KCNAB2: variants seen among roughly 807,000 people sequenced by gnomAD.
The protein encoded by KCNAB2 is potassium voltage-gated channel subfamily A regulatory beta subunit 2.
Under a neutral mutation model 63.6 loss-of-function variants are expected in KCNAB2, and 29 were observed. That is an observed-to-expected ratio of 0.46 (90% CI 0.34 to 0.62). The LOEUF (loss-of-function observed/expected upper bound fraction) is 0.62, where lower values mean the gene tolerates loss of function less well. Among genes scored for constraint, KCNAB2 ranks in the 20% least tolerant of loss-of-function variants. The probability of loss-of-function intolerance (pLI) is 0.01; values close to 1 mark genes in which losing one functional copy is unlikely to be tolerated. For missense variants in KCNAB2, 359 were observed against 563.9 expected, an observed-to-expected ratio of 0.64 and a Z score of 3.68; for synonymous variants, 222 against 224.2, an observed-to-expected ratio of 0.99 and a Z score of 0.09.
intron 2 of KCNAB2, among the ~76,000 whole-genome samples, chr1:6,052,596 T>C (rs758071070): frequency 1.3e-5 from 2 of 152,254 alleles, no homozygotes; most frequent in Non-Finnish European, 2.9e-5. Flanking sequence ...TTAGTGCGCT[T>C]GTCTTTGAAT....
chr1:5,996,589 C>G (rs1466287812), intron 1 of KCNAB2, among the ~76,000 whole-genome samples: 2 of 152,268 alleles, frequency 1.3e-5, no homozygotes, highest in Admixed American at 6.5e-5. Flanking sequence ...GCACCTGTCT[C>G]CTTGCAGGCA....
In KCNAB2 at chr1:6,096,711, G is replaced by T. The variant is rs776387167; in HGVS notation, c.1024G>T (p.Ala342Ser). Residue 342 changes from alanine (A) to serine (S), a missense_variant, in exon 14 of 16, where the codon GCC (alanine) becomes TCC (serine). This residue lies in a region of KCNAB2 where 271 missense variants were observed against 476.1 expected (regional missense o/e 0.57). Transcript: ENST00000378083. The surrounding 1 kb of genome is among the most constrained non-coding windows in gnomAD (Gnocchi z 5.9). Reference protein sequence around the residue: ...RQQAKLKELQAIAERLGCTLP... With the variant: ...RQQAKLKELQSIAERLGCTLP... ...GCAAGCCAAGCTGAAGGAGCTGCAG[G>T]CCATCGCCGAGCGCCTGGGCTGCAC... 4 of 1,599,868 alleles carry T rather than the reference G, an allele frequency of 2.5e-6. No individual in the cohort carries two copies. The highest frequency in any genetic ancestry group is 3.4e-6 in the Non-Finnish European group (4 of 1,174,842).
chr1:6,069,457 A>G lies in KCNAB2; in HGVS notation c.219-3298A>G, dbSNP rs1557478485. The stretch of plus-strand genomic sequence containing the variant: ...ATGGGCATCAGTGCTCCCCTCCGGC[A>G]GAGGTTATGTCTGTGAGTCCTCACT... On this transcript the variant is annotated intron_variant, in intron 2 of 15. Coordinates refer to ENST00000378083, the MANE Select transcript of KCNAB2 (RefSeq NM_001199862.2). The surrounding 1 kb of genome is among the most constrained non-coding windows in gnomAD (Gnocchi z 5.4). Among the ~76,000 whole-genome samples, 1 of 152,290 alleles carries G rather than the reference A, an allele frequency of 6.6e-6. No individual in the cohort carries two copies. Among genetic ancestry groups the G allele is most frequent in the Non-Finnish European group, 1.5e-5 (1 of 68,016 alleles).
chr1:6,033,933 GC>G (rs1280744630), upstream of KCNAB2, among the ~76,000 whole-genome samples: 1 of 152,206 alleles, frequency 6.6e-6, no homozygotes, highest in Non-Finnish European at 1.5e-5. Context: ...TGGAAGTGGA[GC>G]TGATGGGAGG....
Position 6,069,129 on chromosome 1 carries a change from T to G in KCNAB2, c.219-3626T>G, listed in dbSNP as rs1662987063. 6.6e-6 allele frequency among the ~76,000 whole-genome samples: 1 copy of G among 152,174 alleles called. No individual in the cohort carries two copies. Among genetic ancestry groups the G allele is most frequent in the African/African-American group, 2.4e-5 (1 of 41,450 alleles). ...CAAAGACTGGAAGCCCAGCCTGTCC[T>G]TAGGGAGCCTGGAATCTCGGAGCAG... is the stretch of plus-strand genomic sequence containing the variant. On this transcript the variant is annotated intron_variant, in intron 2 of 15. Coordinates refer to ENST00000378083, the MANE Select transcript of KCNAB2 (RefSeq NM_001199862.2). This position sits in a 1 kb window ranked among gnomAD's most constrained non-coding sequence, Gnocchi z 5.4.
chr1:5,999,714 G>A (rs1043312180), intron 1 of KCNAB2, among the ~76,000 whole-genome samples: 1 of 151,994 alleles, frequency 6.6e-6, no homozygotes, highest in Non-Finnish European at 1.5e-5. Context: ...GGAGGCCAGG[G>A]GTCAGTACAG....
At chr1:6,077,482 C>T (rs775592887) in intron 4 of KCNAB2, among the ~76,000 whole-genome samples, 61 of 152,200 alleles carry the variant, frequency 4.0e-4, no homozygotes, top group East Asian at 5.8e-4. Context: ...ATGGTGGCTT[C>T]GTTTTTGCTG....
chr1:6,041,800 C>T (rs746962506), upstream of KCNAB2: 7 of 1,604,432 alleles, frequency 4.4e-6, no homozygotes, highest in Non-Finnish European at 6.0e-6. Flanking sequence ...TCCCTTTCTC[C>T]TTTTTCTCTT....
At chr1:6,029,283 A>C (rs1204064645), upstream of KCNAB2, among the ~76,000 whole-genome samples, 1 of 112,570 alleles carries the variant, frequency 8.9e-6, no homozygotes, top group Non-Finnish European at 2.1e-5. Flanking sequence ...CTCCATCTCA[A>C]AAAAAAAAAA....
At chr1:6,016,915 G>A (rs1658536791) in intron 1 of KCNAB2, among the ~76,000 whole-genome samples, 1 of 152,230 alleles carries the variant, frequency 6.6e-6, no homozygotes, top group Admixed American at 6.5e-5. Context: ...GCGGATTTGT[G>A]TGTCACATCC....
At chr1:6,053,482 G>A (rs573059918) in intron 2 of KCNAB2, among the ~76,000 whole-genome samples, 12 of 152,286 alleles carry the variant, frequency 7.9e-5, no homozygotes, top group African/African-American at 2.9e-4. Context: ...AGAAAGACCA[G>A]GGAGGCCGAG....
intron 6 of KCNAB2, 95 bp downstream of exon 6, chr1:6,085,343 G>C (rs1216215454): frequency 9.5e-7 from 1 of 1,052,750 alleles, no homozygotes; most frequent in Non-Finnish European, 1.5e-6. Context: ...GTGTCGTAAG[G>C]CCCGCAAGTC....
rs905436024 is a variant in KCNAB2, at chr1:6,078,399, A to G, written c.301-3796A>G. Reference sequence around the variant, plus strand: ...AGGGACGTGATACCTTTGGAGAACCATTATTTAGTTGACTGCAGAGAAGAA... The same window carrying G: ...AGGGACGTGATACCTTTGGAGAACCGTTATTTAGTTGACTGCAGAGAAGAA... On this transcript the variant is annotated intron_variant, in intron 4 of 15. Coordinates refer to ENST00000378083, the MANE Select transcript of KCNAB2 (RefSeq NM_001199862.2). The surrounding 1 kb of genome is among the most constrained non-coding windows in gnomAD (Gnocchi z 4.2). Among the ~76,000 whole-genome samples, 2 of 150,948 alleles carry G rather than the reference A, an allele frequency of 1.3e-5. No homozygotes were observed. Among genetic ancestry groups the G allele is most frequent in the Non-Finnish European group, 2.9e-5 (2 of 67,880 alleles).
intron 4 of KCNAB2, among the ~76,000 whole-genome samples, chr1:6,081,646 G>A (rs754409893): frequency 2.0e-5 from 3 of 151,924 alleles, no homozygotes; most frequent in Admixed American, 6.5e-5. Flanking sequence ...CAGCTCCTGG[G>A]GGTTGCCAAC....
At position 6,074,034 on chromosome 1, in the gene KCNAB2, A is replaced by G. The variant is rs546275329; in HGVS notation, c.300+264A>G. Among the ~76,000 whole-genome samples, 1 of 152,342 alleles carries G rather than the reference A, an allele frequency of 6.6e-6. No individual in the cohort carries two copies. ...CCTCAGCATGTCCCTTAAGCTCCCC[A>G]GGACTCAGATTTCCCACACGCGTGA... On this transcript the variant is annotated intron_variant, in intron 4 of 15. Coordinates refer to ENST00000378083, the MANE Select transcript of KCNAB2 (RefSeq NM_001199862.2). This position sits in a 1 kb window ranked among gnomAD's most constrained non-coding sequence, Gnocchi z 4.9.
chr1:6,005,551 A>G (rs1657616450), intron 1 of KCNAB2, among the ~76,000 whole-genome samples: 1 of 150,176 alleles, frequency 6.7e-6, no homozygotes, highest in Admixed American at 6.6e-5. Context: ...GGTCCCCCCT[A>G]CCCCCCATGA....
intron 1 of KCNAB2, 32 bp from the exon 2 acceptor site, chr1:6,051,479 G>T (rs1335172933): frequency 4.9e-6 from 7 of 1,442,806 alleles, no homozygotes; most frequent in Non-Finnish European, 6.4e-6. Flanking sequence ...TGGGGCATTG[G>T]CACACTGTCT....
chr1:6,016,053 T>A (rs138246732), intron 1 of KCNAB2, among the ~76,000 whole-genome samples: 1 of 152,316 alleles, frequency 6.6e-6, no homozygotes, highest in Non-Finnish European at 1.5e-5. Context: ...ATAATGAGGT[T>A]TCTCTGATGC....
rs968231177 is a variant in KCNAB2 at position 6,088,959 on chromosome 1, G to C, written c.471-49G>C. The C allele has an allele frequency of 5.9e-6, 9 of 1,536,616 alleles. No homozygotes were observed. The African/African-American group carries it at 9.6e-5, about 16-fold the overall frequency. ...CGTAAACGTTTTTTGGGAGGGGCCA[G>C]GGTGCCAAAACCGCTGGTGACATCA... On this transcript the variant is annotated intron_variant, in intron 7 of 15. Transcript: ENST00000378083.
Sources: allele counts gnomAD v4.1 joint callset (sites outside exome capture counted in the v4.1 genomes callset), GRCh38; gene constraint gnomAD v4.1.1; regional missense constraint gnomAD v4.1.1; non-coding constraint Gnocchi (gnomAD v3.1); transcripts MANE v1.5; gene names NCBI Gene and HGNC (gene_info 2026-07-23, HGNC 2026-07-21).